The following PIKFYVE variants were observed in gnomAD, a reference collection of about 807,000 sequenced individuals.
PIKFYVE encodes 1-phosphatidylinositol 3-phosphate 5-kinase.
PIKFYVE carries 122 observed loss-of-function variants against 257.9 expected under a neutral mutation model. That is an observed-to-expected ratio of 0.47 (90% CI 0.41 to 0.55). The LOEUF is 0.55. Among genes scored for constraint, PIKFYVE ranks in the 20% least tolerant of loss-of-function variants. The pLI, the probability that PIKFYVE is intolerant of heterozygous loss-of-function variation, is 0.00. For missense variants in PIKFYVE, 2,160 were observed against 2,536.6 expected (o/e 0.85, Z 3.19); for synonymous variants, 892 against 868.9 (o/e 1.03, Z -0.47).
At chr2:208,330,761 C>A in intron 23 of PIKFYVE, 67 bp downstream of exon 23, 1 of 1,334,444 alleles carries the variant, frequency 7.5e-7, no homozygotes, top group Non-Finnish European at 9.9e-7. Flanking sequence ...TTTTTTTTTT[C>A]CTGAGGAGGT....
chr2:208,288,796 G>A lies in PIKFYVE; in HGVS notation c.889G>A (p.Gly297Arg). 1 of 1,613,978 alleles carries A rather than the reference G, an allele frequency of 6.2e-7. No individual in the cohort carries two copies. Among genetic ancestry groups the A allele is most frequent in the Non-Finnish European group, 8.5e-7 (1 of 1,179,952 alleles). Residue 297 changes from glycine to arginine, a missense_variant, in exon 7 of 42, where the codon GGG becomes AGG. Coordinates refer to ENST00000264380, the MANE Select transcript of PIKFYVE (RefSeq NM_015040.4). ...TRLVSVQEDA[G>R]KSPARNRSAS... Reference sequence around the variant, plus strand: ...ACTTGTATCTGTGCAAGAGGATGCTGGGAAATCTCCTGCTCGAAATAGGTA... The same window carrying A: ...ACTTGTATCTGTGCAAGAGGATGCTAGGAAATCTCCTGCTCGAAATAGGTA...
intron 41 of PIKFYVE, 67 bp downstream of exon 41, chr2:208,354,712 A>T (rs2125839039): frequency 8.1e-7 from 1 of 1,238,690 alleles, no homozygotes; most frequent in East Asian, 2.3e-5. Context: ...TTAAAAGTGG[A>T]TACTGATTCT....
chr2:208,302,151 GA>G (rs777923130), intron 9 of PIKFYVE, 90 bp from the exon 10 acceptor site: 75 of 1,143,786 alleles, frequency 6.6e-5, no homozygotes, highest in Non-Finnish European at 7.9e-5. Flanking sequence ...GATTAGAACT[GA>G]AAAAAAATAT....
intron 28 of PIKFYVE, among the ~76,000 whole-genome samples, chr2:208,337,970 A>C (rs536976863): frequency 2.6e-5 from 4 of 151,172 alleles, no homozygotes; most frequent in South Asian, 2.1e-4. Context: ...TGATCCATCC[A>C]CCTTGGCCTC....
intron 2 of PIKFYVE, 52 bp downstream of exon 2, chr2:208,271,743 G>C (rs1689445855): frequency 1.4e-5 from 22 of 1,553,050 alleles, no homozygotes; most frequent in Non-Finnish European, 1.8e-5. Flanking sequence ...TGTTTGAAAT[G>C]CTCCTTTGTC....
At chr2:208,291,145 G>T (rs185822128) in intron 7 of PIKFYVE, among the ~76,000 whole-genome samples, 254 of 152,190 alleles carry the variant, frequency 1.7e-3, no homozygotes, top group Non-Finnish European at 2.8e-3. Context: ...GTTTTTCGTA[G>T]ATACTCTTTA....
At chr2:208,351,008 A>G (rs1574764476) in intron 37 of PIKFYVE, 61 bp downstream of exon 37, 1 of 1,593,434 alleles carries the variant, frequency 6.3e-7, no homozygotes, top group Non-Finnish European at 8.6e-7. Flanking sequence ...ACCTCAGAAA[A>G]TGCAGCAGGA....
intron 5 of PIKFYVE, among the ~76,000 whole-genome samples, chr2:208,280,377 G>A (rs577014463): frequency 1.3e-5 from 2 of 152,338 alleles, no homozygotes; most frequent in African/African-American, 4.8e-5. Context: ...TAAACTCACA[G>A]TGAGATGGAC....
intron 7 of PIKFYVE, among the ~76,000 whole-genome samples, chr2:208,298,051 T>C (rs4675751): frequency 0.78 from 119,079 of 152,074 alleles, 47,562 homozygotes; most frequent in East Asian, 0.93. Context: ...GGTCATAACA[T>C]TTTGCTTATT....
At chr2:208,275,464 G>T (rs1468786864) in intron 3 of PIKFYVE, among the ~76,000 whole-genome samples, 2 of 152,192 alleles carry the variant, frequency 1.3e-5, no homozygotes. Flanking sequence ...TTTTCAATTT[G>T]TAGATCATGG....
In PIKFYVE at chr2:208,338,369, T is replaced by C. The variant is rs763087757; in HGVS notation, c.4612-139T>C. The C allele has an allele frequency of 6.2e-6, 4 of 644,394 alleles. No individual in the cohort carries two copies. In the East Asian group the frequency reaches 1.1e-4, roughly 18 times the overall value. The allele number at this position is 644,394 out of a possible 1,614,324, so 39.9% of individuals were successfully genotyped here. On this transcript the variant is annotated intron_variant, in intron 28 of 41. Transcript: ENST00000264380. ...AAGGTAAACAAAAGCTAATTAAAAA[T>C]ATTAAGGGGGTTTTTAGTAATTTTT...
chr2:208,266,572 G>A (rs1220618152), intron 1 of PIKFYVE, among the ~76,000 whole-genome samples, 157 bp downstream of exon 1: 1 of 151,984 alleles, frequency 6.6e-6, no homozygotes, highest in Non-Finnish European at 1.5e-5. Context: ...GAAGGGCAGA[G>A]AATCTGGCTT....
Position 208,345,164 on chromosome 2 carries a change from A to G in PIKFYVE, c.5081A>G (p.Asn1694Ser), listed in dbSNP as rs777022493. 1.2e-6 allele frequency: 2 copies of G among 1,612,720 alleles called. No homozygotes were observed. Among genetic ancestry groups the G allele is most frequent in the South Asian group, 1.1e-5 (1 of 91,056 alleles). Residue 1694 changes from asparagine to serine, a missense_variant, in exon 33 of 42, where the codon AAC (asparagine) becomes AGC (serine). Physicochemically the swap from Asn to Ser is conservative, Grantham distance 46. This residue lies in a region of PIKFYVE where 699 missense variants were observed against 855.8 expected (regional missense o/e 0.82). Transcript: ENST00000264380. ...GAATTGTCTAAAGCGACTCAGTGGA[A>G]CAGTGCCGAAGAAGGGCTTCCAACA... Reference protein sequence around the residue: ...LEELSKATQWNSAEEGLPTNS... With the variant: ...LEELSKATQWSSAEEGLPTNS...
chr2:208,327,503 T>G (rs1165380440), intron 20 of PIKFYVE, among the ~76,000 whole-genome samples: 1 of 152,250 alleles, frequency 6.6e-6, no homozygotes, highest in Non-Finnish European at 1.5e-5. Flanking sequence ...TTTGAAGTGT[T>G]AAAAAGCAAA....
At chr2:208,275,189 T>C (rs1214544268) in intron 3 of PIKFYVE, among the ~76,000 whole-genome samples, 3 of 152,228 alleles carry the variant, frequency 2.0e-5, no homozygotes, top group Non-Finnish European at 4.4e-5. Flanking sequence ...AATTTTCTAA[T>C]GTTCATTTTG....
chr2:208,352,316 A>G (rs779622029), intron 38 of PIKFYVE, among the ~76,000 whole-genome samples: 1 of 151,702 alleles, frequency 6.6e-6, no homozygotes. Context: ...CCCAACTGCC[A>G]TCTTAGAATC....
At chr2:208,314,234 G>A (rs1258538631) in intron 13 of PIKFYVE, 60 bp from the exon 14 acceptor site, 5 of 1,558,388 alleles carry the variant, frequency 3.2e-6, no homozygotes, top group Non-Finnish European at 4.4e-6. Context: ...CTAAATATAT[G>A]AGTAGATGGT....
At chr2:208,316,206 C>T (rs1184003413) in intron 15 of PIKFYVE, among the ~76,000 whole-genome samples, 4 of 152,122 alleles carry the variant, frequency 2.6e-5, no homozygotes, top group Non-Finnish European at 5.9e-5. Flanking sequence ...GACATGAACT[C>T]ACCCTTTTTT....
rs779368647 is a variant in PIKFYVE, at chr2:208,285,944, T to G, written c.821+11T>G. The G allele has an allele frequency of 1.2e-6, 2 of 1,609,678 alleles. No homozygotes were observed. Among genetic ancestry groups the G allele is most frequent in the South Asian group, 1.1e-5 (1 of 90,930 alleles). The stretch of plus-strand genomic sequence containing the variant: ...TTTGGCCTGGCAAAGGTATTGTCCC[T>G]TAAATATAATTTTATTTAGAGTTGA... On this transcript the variant is annotated intron_variant, in intron 6 of 41. Coordinates refer to ENST00000264380, the MANE Select transcript of PIKFYVE (RefSeq NM_015040.4).
Sources: gnomAD v4.1 joint callset for allele counts (sites outside exome capture counted in the v4.1 genomes callset) on GRCh38, gnomAD v4.1.1 for gene constraint, gnomAD v4.1.1 regional missense constraint, MANE v1.5 for transcripts, NCBI Gene and HGNC (gene_info 2026-07-23, HGNC 2026-07-21) for gene names.